FBXL13: variants seen among roughly 807,000 people sequenced by gnomAD.
FBXL13 encodes F-box and leucine rich repeat protein 13.
FBXL13 carries 67 observed loss-of-function variants against 83.6 expected under a neutral mutation model. The observed-to-expected ratio is 0.80, with a 90% CI of 0.66 to 0.98. FBXL13 has a LOEUF of 0.98. Among genes scored for constraint, FBXL13 ranks in the 50% least tolerant of loss-of-function variants. FBXL13 has a pLI of 0.00. For missense variants in FBXL13, 822 were observed against 866.5 expected, an observed-to-expected ratio of 0.95 and a Z score of 0.64; for synonymous variants, 272 against 299.5, an observed-to-expected ratio of 0.91 and a Z score of 0.95.
At chr7:102,822,052 G>T in exon 19 of FBXL13, 1 of 1,614,184 alleles carries the variant, frequency 6.2e-7, no homozygotes, top group Non-Finnish European at 8.5e-7. Context: ...GGAAATATTT[G>T]TGCAGTATTG....
At chr7:102,984,112 A>T (rs977638483) in intron 6 of FBXL13, among the ~76,000 whole-genome samples, 3 of 152,184 alleles carry the variant, frequency 2.0e-5, no homozygotes, top group African/African-American at 7.2e-5. Flanking sequence ...GATATTTGGC[A>T]TATCTCTATT....
chr7:102,824,065 C>T (rs1019192249), intron 18 of FBXL13, among the ~76,000 whole-genome samples: 6 of 152,148 alleles, frequency 3.9e-5, no homozygotes, highest in Non-Finnish European at 8.8e-5. Context: ...ACTAGGAGAG[C>T]TGAAAAGGAG....
chr7:102,819,406 ACT>A (rs1284455248), intron 19 of FBXL13, among the ~76,000 whole-genome samples: 1 of 150,360 alleles, frequency 6.7e-6, no homozygotes, highest in Non-Finnish European at 1.5e-5. Context: ...TCTGCAGGAA[ACT>A]CTCCTGCAAA....
At chr7:102,974,078 C>G (rs1827127276) in intron 6 of FBXL13, among the ~76,000 whole-genome samples, 1 of 152,164 alleles carries the variant, frequency 6.6e-6, no homozygotes, top group South Asian at 2.1e-4. Context: ...AAACAGCCCT[C>G]TAGGCTGCCT....
chr7:102,914,136 C>A, intron 10 of FBXL13, among the ~76,000 whole-genome samples: 1 of 152,216 alleles, frequency 6.6e-6, no homozygotes, highest in East Asian at 1.9e-4. Context: ...TCTTGGCTCA[C>A]TGCAACCTCC....
At chr7:103,024,171 G>C (rs1051406301) in intron 6 of FBXL13, among the ~76,000 whole-genome samples, 1 of 119,668 alleles carries the variant, frequency 8.4e-6, no homozygotes, top group African/African-American at 3.4e-5. Flanking sequence ...GAGAGAGAGA[G>C]AGAGAGAGAG....
At chr7:103,026,749 A>G (rs967504595) in intron 5 of FBXL13, among the ~76,000 whole-genome samples, 1 of 152,214 alleles carries the variant, frequency 6.6e-6, no homozygotes, top group African/African-American at 2.4e-5. Context: ...TTAGGTGAGT[A>G]GAGGCATTGA....
At chr7:102,871,259 A>G (rs2129456484) in intron 16 of FBXL13, among the ~76,000 whole-genome samples, 1 of 152,090 alleles carries the variant, frequency 6.6e-6, no homozygotes, top group South Asian at 2.1e-4. Context: ...TGAATATCCC[A>G]CAGATTCTAA....
At chr7:102,914,628 T>C (rs1043153903) in intron 10 of FBXL13, among the ~76,000 whole-genome samples, 1 of 152,224 alleles carries the variant, frequency 6.6e-6, no homozygotes, top group African/African-American at 2.4e-5. Context: ...CTATATGATA[T>C]AATGATTTGC....
At chr7:102,926,661 C>A (rs1818198227) in intron 9 of FBXL13, among the ~76,000 whole-genome samples, 1 of 152,170 alleles carries the variant, frequency 6.6e-6, no homozygotes, top group Non-Finnish European at 1.5e-5. Flanking sequence ...AACTCTGTCA[C>A]ACGAAATTTG....
chr7:102,821,286 A>G (rs1798778217), intron 19 of FBXL13, among the ~76,000 whole-genome samples: 1 of 152,052 alleles, frequency 6.6e-6, no homozygotes, highest in African/African-American at 2.4e-5. Flanking sequence ...CTCTGATCCA[A>G]CTCCAGCTGG....
intron 2 of FBXL13, among the ~76,000 whole-genome samples, chr7:103,054,755 C>T (rs1156877361): frequency 6.6e-6 from 1 of 152,154 alleles, no homozygotes; most frequent in Non-Finnish European, 1.5e-5. Flanking sequence ...AAAACATCCT[C>T]TTGTAAAGCT....
intron 6 of FBXL13, among the ~76,000 whole-genome samples, chr7:103,019,285 G>C (rs1792810854): frequency 6.6e-6 from 1 of 152,194 alleles, no homozygotes; most frequent in East Asian, 1.9e-4. Context: ...TGAGAACAAA[G>C]AGACAACATA....
rs569039168 is a variant in FBXL13 at position 102,837,542 on chromosome 7, G to A, written c.1720-4568C>T. On this transcript the variant is annotated intron_variant, in intron 17 of 19. Coordinates refer to ENST00000313221, the Ensembl canonical transcript of FBXL13. ...CAATTCTTCTCTGTGGAAGAGATGCGCTTTCAAATTCTTATAAGCTTTTCT... is the reference window on the plus strand; with the variant it reads ...CAATTCTTCTCTGTGGAAGAGATGCACTTTCAAATTCTTATAAGCTTTTCT... Among the ~76,000 whole-genome samples, 4 of 152,242 alleles carry A rather than the reference G, an allele frequency of 2.6e-5. 1 individual carries two copies. The highest frequency in any genetic ancestry group is 9.6e-5 in the African/African-American group (4 of 41,542).
At chr7:102,992,836 G>A (rs1486689804) in intron 6 of FBXL13, among the ~76,000 whole-genome samples, 1 of 152,074 alleles carries the variant, frequency 6.6e-6, no homozygotes, top group African/African-American at 2.4e-5. Context: ...GGAACTTCTG[G>A]ACCCCAGCGA....
chr7:103,071,988 G>A (rs1207721934), intron 1 of FBXL13, among the ~76,000 whole-genome samples: 1 of 151,960 alleles, frequency 6.6e-6, no homozygotes, highest in Non-Finnish European at 1.5e-5. Flanking sequence ...TTCGAGACCG[G>A]CCTGACCAAC....
chr7:102,973,773 TA>T (rs779158255), intron 6 of FBXL13: 8 of 763,248 alleles, frequency 1.0e-5, no homozygotes, highest in Non-Finnish European at 1.9e-5. Flanking sequence ...CACCTACTGG[TA>T]AGTTTCCCGG....
chr7:102,913,257 T>C (rs1484053012), intron 10 of FBXL13, 42 bp from the exon 12 acceptor site: 18 of 1,610,404 alleles, frequency 1.1e-5, no homozygotes, highest in Non-Finnish European at 1.4e-5. Context: ...TATACTTCCG[T>C]TGTTCTCTCA....
At chr7:102,814,233 A>G (rs1463055895) in intron 19 of FBXL13, 1 of 152,238 alleles carries the variant, frequency 6.6e-6, no homozygotes, top group African/African-American at 2.4e-5. Context: ...ATTAGTACTA[A>G]AGAGGAGATG....
Sources: gnomAD v4.1 joint callset for allele counts (sites outside exome capture counted in the v4.1 genomes callset) on GRCh38, gnomAD v4.1.1 for gene constraint, MANE v1.5 for transcripts, NCBI Gene and HGNC (gene_info 2026-07-23, HGNC 2026-07-21) for gene names.